The following ADAMTSL2 variants were observed in gnomAD, a reference collection of about 807,000 sequenced individuals.
ADAMTSL2 encodes ADAMTS like 2.
In ADAMTSL2, 55 loss-of-function variants were observed where a neutral mutation model predicts 117.0. That is an observed-to-expected ratio of 0.47 (90% confidence interval 0.38 to 0.59). ADAMTSL2 has a LOEUF of 0.59. ADAMTSL2 is among the 20% of genes least tolerant of loss of function. The pLI, the probability that ADAMTSL2 is intolerant of heterozygous loss-of-function variation, is 0.00. For synonymous variants in ADAMTSL2, 572 were observed against 566.4 expected, an observed-to-expected ratio of 1.01 and a Z score of -0.14; for missense variants, 1,182 against 1,354.5, an observed-to-expected ratio of 0.87 and a Z score of 2.00.
intron 10 of ADAMTSL2, among the ~76,000 whole-genome samples, chr9:133,555,013 C>G (rs1830572870): frequency 6.6e-6 from 1 of 152,086 alleles, no homozygotes; most frequent in Non-Finnish European, 1.5e-5. Context: ...GGTCTGATCT[C>G]TCGCTCACCC....
chr9:133,534,695 A>C, upstream of ADAMTSL2: 1 of 1,354,906 alleles, frequency 7.4e-7, no homozygotes, highest in Non-Finnish European at 9.5e-7. Context: ...CCGCCGGCGC[A>C]GAGCCGCCAC....
intron 7 of ADAMTSL2, among the ~76,000 whole-genome samples, chr9:133,543,940 G>A (rs1830287386): frequency 6.6e-6 from 1 of 152,246 alleles, no homozygotes; most frequent in Admixed American, 6.5e-5. Context: ...GCCCGATCTG[G>A]ATCTCAGCCT....
intron 11 of ADAMTSL2, 28 bp from the exon 12 acceptor site, chr9:133,561,170 C>T: frequency 6.3e-7 from 1 of 1,577,432 alleles, no homozygotes; most frequent in Non-Finnish European, 8.6e-7. Context: ...AGCGTCTCAT[C>T]ACCTTCCCTG....
chr9:133,536,457 G>T (rs761336043), intron 1 of ADAMTSL2, 106 bp from the exon 2 acceptor site: 39 of 1,439,068 alleles, frequency 2.7e-5, no homozygotes, highest in Non-Finnish European at 3.2e-5. Flanking sequence ...GGCTTAGCAC[G>T]CACACCGCCG....
chr9:133,545,405 G>C (rs887696482), intron 8 of ADAMTSL2, among the ~76,000 whole-genome samples: 11 of 152,190 alleles, frequency 7.2e-5, no homozygotes, highest in South Asian at 2.1e-4. Flanking sequence ...CTCCTAAGGG[G>C]GTGCTGGAAG....
rs1237506051 is a variant in ADAMTSL2 at position 133,540,722 on chromosome 9, T to C, written c.537T>C (p.Val179=). The change falls in exon 6 of 19, where the codon GTT becomes GTC. Residue 179 remains valine (V), a synonymous_variant. Coordinates refer to ENST00000651351, the MANE Select transcript of ADAMTSL2 (RefSeq NM_014694.4). ...GCAAGCTCACTGACCTGCGAGGGGT[T>C]TGCGTGTCTGGAAAATGTGAGGTTG... is the stretch of plus-strand genomic sequence containing the variant. ...TSCKLTDLRG[V]CVSGKCEPIG... is the part of the protein sequence containing the mutation. The C allele has an allele frequency of 1.2e-6, 2 of 1,613,896 alleles. No homozygotes were observed. The highest frequency in any genetic ancestry group is 8.5e-7 in the Non-Finnish European group (1 of 1,180,042).
chr9:133,570,559 C>G (rs1831082225), intron 17 of ADAMTSL2, 52 bp downstream of exon 17: 10 of 1,551,944 alleles, frequency 6.4e-6, no homozygotes, highest in Non-Finnish European at 7.9e-6. Context: ...ACCTGAATGT[C>G]GATCCCGCCC....
At chr9:133,556,070 C>T (rs1830599409) in intron 11 of ADAMTSL2, 140 bp downstream of exon 11, 3 of 1,158,092 alleles carry the variant, frequency 2.6e-6, no homozygotes, top group Non-Finnish European at 3.6e-6. Flanking sequence ...AGGGCCCCTT[C>T]TTCCCGGGGT....
rs1244260892 is a variant in ADAMTSL2, at chr9:133,561,290, C to T, written c.1742C>T (p.Thr581Ile). 66 of 1,593,012 alleles carry T rather than the reference C, an allele frequency of 4.1e-5. No individual in the cohort carries two copies. Among genetic ancestry groups the T allele is most frequent in the Non-Finnish European group, 5.6e-5 (65 of 1,169,732 alleles). The change falls in exon 12 of 19, where the codon ACC (threonine) becomes ATC (isoleucine). Residue 581 changes from threonine (T) to isoleucine (I), a missense_variant. Physicochemically the swap from Thr to Ile is moderately conservative, Grantham distance 89 (BLOSUM62 -1). This residue lies in a region of ADAMTSL2 where 465 missense variants were observed against 565.3 expected (regional missense o/e 0.82). Transcript: ENST00000651351. ...SSHEPCSATC[T>I]TGVMSAYAMC... is the part of the protein sequence containing the mutation. ...CACGAGCCCTGCAGTGCCACCTGCA[C>T]CACAGGTACTGGTCACGGGTGCCAA...
chr9:133,572,857 A>C (rs1339079428), intron 17 of ADAMTSL2, among the ~76,000 whole-genome samples: 2 of 152,090 alleles, frequency 1.3e-5, no homozygotes, highest in African/African-American at 4.8e-5. Flanking sequence ...TCCACTCCCC[A>C]GGGGCAGAGG....
intron 2 of ADAMTSL2, 38 bp downstream of exon 2, chr9:133,536,840 C>T: frequency 6.2e-7 from 1 of 1,613,552 alleles, no homozygotes; most frequent in Non-Finnish European, 8.5e-7. Context: ...CCATGCCAGT[C>T]CCCTACCCAG....
Position 133,540,640 on chromosome 9 carries a change from G to A in ADAMTSL2, c.455G>A (p.Cys152Tyr). The change falls in exon 6 of 19, where the codon TGT (cysteine) becomes TAT (tyrosine). Residue 152 changes from cysteine to tyrosine, a missense_variant. Coordinates refer to ENST00000651351, the MANE Select transcript of ADAMTSL2 (RefSeq NM_014694.4). ...TCCAGCAAACCGTGTGACCTGCACTGTACCACCGTGGACGGCCAGCGGCAG... is the reference window on the plus strand; with the variant it reads ...TCCAGCAAACCGTGTGACCTGCACTATACCACCGTGGACGGCCAGCGGCAG... ...HISSKPCDLH[C>Y]TTVDGQRQLM... is the part of the protein sequence containing the mutation. The A allele has an allele frequency of 1.2e-6, 2 of 1,613,696 alleles. No individual in the cohort carries two copies. Among genetic ancestry groups the A allele is most frequent in the African/African-American group, 1.3e-5 (1 of 75,060 alleles).
rs1830595927 is a variant in ADAMTSL2 at position 133,555,934 on chromosome 9, G to A, written c.1649+4G>A. 3 of 1,610,086 alleles carry A rather than the reference G, an allele frequency of 1.9e-6. No homozygotes were observed. Among genetic ancestry groups the A allele is most frequent in the South Asian group, 2.2e-5 (2 of 91,002 alleles). On this transcript the variant is annotated splice_donor_region_variant and intron_variant, in intron 11 of 18. Coordinates refer to ENST00000651351, the MANE Select transcript of ADAMTSL2 (RefSeq NM_014694.4). ...GGAACAGGACTCACAAGGCCAGGTA[G>A]GAGGCACTTTCCTGAGCCCTGTCCA...
intron 5 of ADAMTSL2, 21 bp from the exon 6 acceptor site, chr9:133,540,573 TTCTG>T (rs1830193117): frequency 6.2e-7 from 1 of 1,612,590 alleles, no homozygotes; most frequent in African/African-American, 1.3e-5. Flanking sequence ...CGCTGAAACC[TTCTG>T]TCTTTGTCTC....
intron 12 of ADAMTSL2, among the ~76,000 whole-genome samples, chr9:133,562,121 C>T (rs994693034): frequency 2.6e-4 from 39 of 152,360 alleles, no homozygotes; most frequent in Admixed American, 5.2e-4. Flanking sequence ...GCCCCAGTGC[C>T]ACCCATTTGC....
intron 7 of ADAMTSL2, 36 bp from the exon 8 acceptor site, chr9:133,544,434 A>G: frequency 1.9e-6 from 3 of 1,574,308 alleles, no homozygotes; most frequent in Non-Finnish European, 2.6e-6. Flanking sequence ...TGCCTTTCCA[A>G]TCAAGAGGGG....
chr9:133,567,416 C>T (rs1368126848), intron 13 of ADAMTSL2, among the ~76,000 whole-genome samples: 3 of 152,266 alleles, frequency 2.0e-5, no homozygotes, highest in African/African-American at 7.2e-5. Context: ...CCCAAGATTC[C>T]ATGCCTATTG....
chr9:133,554,205 C>T lies in ADAMTSL2; in HGVS notation c.940-152C>T, dbSNP rs1830551246. 2.8e-6 allele frequency: 2 copies of T among 719,062 alleles called. No individual in the cohort carries two copies. Among genetic ancestry groups the T allele is most frequent in the South Asian group, 1.9e-5 (1 of 52,568 alleles). 44.5% of individuals were successfully genotyped at this position (719,062 alleles called of 1,614,324 possible). ...GGATGCCCCTGGGGCAGGAGCACTGCGTTGGGCTGGGCTAGTCAGTGTCAT... is the reference window on the plus strand; with the variant it reads ...GGATGCCCCTGGGGCAGGAGCACTGTGTTGGGCTGGGCTAGTCAGTGTCAT... On this transcript the variant is annotated intron_variant, in intron 9 of 18. Transcript: ENST00000651351. The surrounding 1 kb of genome is among the most constrained non-coding windows in gnomAD (Gnocchi z 5.2).
intron 5 of ADAMTSL2, 92 bp downstream of exon 5, chr9:133,539,965 G>A (rs1830171913): frequency 4.1e-6 from 5 of 1,212,954 alleles, no homozygotes; most frequent in South Asian, 3.9e-5. Context: ...CGACGGGTGG[G>A]CAGGTGGGGA....
Sources: allele counts gnomAD v4.1 joint callset (sites outside exome capture counted in the v4.1 genomes callset), GRCh38; gene constraint gnomAD v4.1.1; regional missense constraint gnomAD v4.1.1; non-coding constraint Gnocchi (gnomAD v3.1); transcripts MANE v1.5; gene names NCBI Gene and HGNC (gene_info 2026-07-23, HGNC 2026-07-21).